The following DNASE1 variants were observed in gnomAD, a reference collection of about 807,000 sequenced individuals.
DNASE1 encodes deoxyribonuclease-1.
DNASE1 carries 40 observed loss-of-function variants against 33.9 expected under a neutral mutation model. That is an observed-to-expected ratio of 1.18 (90% CI 0.92 to 1.54). The LOEUF is 1.54. DNASE1 is among the 40% of genes most tolerant of loss of function. The probability of loss-of-function intolerance (pLI) is 0.00; values close to 1 mark genes in which losing one functional copy is unlikely to be tolerated. For missense variants in DNASE1, 518 were observed against 372.6 expected, an observed-to-expected ratio of 1.39 and a Z score of -3.21; for synonymous variants, 216 against 160.0, an observed-to-expected ratio of 1.35 and a Z score of -2.64.
At position 3,626,207 on chromosome 16, in the gene DNASE1, A is replaced by G. The variant is rs151123091; in HGVS notation, c.-1359+14201A>G. On this transcript the variant is annotated intron_variant and NMD_transcript_variant, in intron 1 of 11. Coordinates refer to the DNASE1 transcript ENST00000570769. ...TAATATCTAAAGAAATCCTAAAAAA[A>G]AAAAAATAGAAAAACAGGCAAGAGA... Among the ~76,000 whole-genome samples, 1,121 of 152,296 alleles carry G rather than the reference A, an allele frequency of 7.4e-3. 19 individuals carry two copies. Among genetic ancestry groups the G allele is most frequent in the African/African-American group, 0.025 (1,059 of 41,564 alleles).
intron 1 of DNASE1, among the ~76,000 whole-genome samples, chr16:3,631,950 A>G (rs2041714130): frequency 6.6e-6 from 1 of 152,092 alleles, no homozygotes; most frequent in Admixed American, 6.5e-5. Flanking sequence ...TTTGTGTAAC[A>G]TTGTAATTTG....
chr16:3,664,646 T>C (rs1401437976), exon 10 of DNASE1: 3 of 610,462 alleles, frequency 4.9e-6, no homozygotes, highest in African/African-American at 3.8e-5. Flanking sequence ...AGGCCCCTTT[T>C]GGGAGCTCTG....
At chr16:3,631,243 C>T (rs1419722722) in intron 1 of DNASE1, among the ~76,000 whole-genome samples, 2 of 151,940 alleles carry the variant, frequency 1.3e-5, no homozygotes, top group Non-Finnish European at 2.9e-5. Flanking sequence ...TGGTCTGTTG[C>T]CCAGACTGGA....
chr16:3,627,060 G>A (rs2151170889), intron 1 of DNASE1, among the ~76,000 whole-genome samples: 1 of 149,092 alleles, frequency 6.7e-6, no homozygotes, highest in South Asian at 2.1e-4. Flanking sequence ...TTTTTTGGTA[G>A]AGACAGGGTC....
chr16:3,641,102 G>T (rs1028185926), upstream of DNASE1: 8 of 397,124 alleles, frequency 2.0e-5, no homozygotes, highest in African/African-American at 1.4e-4. Flanking sequence ...ATCCACAGCT[G>T]CAGCTGTGGC....
chr16:3,628,394 T>C (rs1296857444), intron 1 of DNASE1, among the ~76,000 whole-genome samples: 1 of 152,140 alleles, frequency 6.6e-6, no homozygotes, highest in Non-Finnish European at 1.5e-5. Flanking sequence ...ATTTTACTTT[T>C]TTCTTTCCAA....
downstream of DNASE1, chr16:3,662,726 G>A (rs111945995): frequency 1.4e-5 from 10 of 730,624 alleles, no homozygotes; most frequent in African/African-American, 3.5e-5. Context: ...CGAGCAACAC[G>A]TGCCGAGCAG....
At chr16:3,638,432 G>C (rs575214265), upstream of DNASE1, among the ~76,000 whole-genome samples, 1 of 152,086 alleles carries the variant, frequency 6.6e-6, no homozygotes, top group Non-Finnish European at 1.5e-5. Flanking sequence ...CCGCCTCCAG[G>C]GTTCACGCCA....
intron 7 of DNASE1, 55 bp downstream of exon 7, chr16:3,657,396 G>T: frequency 6.2e-7 from 1 of 1,600,472 alleles, no homozygotes; most frequent in South Asian, 1.1e-5. Context: ...GGGCAGCCGT[G>T]ACTCATAGGT....
chr16:3,618,832 A>G lies in DNASE1; in HGVS notation c.-1359+6826A>G, dbSNP rs569872163. Among the ~76,000 whole-genome samples, 27 of 152,362 alleles carry G rather than the reference A, an allele frequency of 1.8e-4. No individual in the cohort carries two copies. In the South Asian group the frequency reaches 5.4e-3, roughly 30 times the overall value. Reference sequence around the variant, plus strand: ...TGTAGTATAGAATGGAATACATGTTACACTGAACATTTGCTTATTTCCGTT... The same window carrying G: ...TGTAGTATAGAATGGAATACATGTTGCACTGAACATTTGCTTATTTCCGTT... On this transcript the variant is annotated intron_variant and NMD_transcript_variant, in intron 1 of 11. Transcript: ENST00000570769.
In DNASE1 at chr16:3,657,284, G is replaced by A; in HGVS notation, c.647G>A (p.Trp216Ter). 1 of 1,613,986 alleles carries A rather than the reference G, an allele frequency of 6.2e-7. No homozygotes were observed. The highest frequency in any genetic ancestry group is 1.3e-5 in the African/African-American group (1 of 75,056). The change falls in exon 7 of 9, where the codon TGG becomes TAG. Residue 216 changes from tryptophan (W) to a stop codon, truncating the protein, a stop_gained. Transcript: ENST00000246949. LOFTEE classifies it high-confidence loss of function. ...IRLWTSPTFQWLIPDSADTTA... is the reference protein window; with the variant it reads ...IRLWTSPTFQ ...CTGTGGACAAGCCCCACCTTCCAGT[G>A]GCTGATCCCCGACAGCGCTGACACC...
rs917830899 is a variant in DNASE1 at position 3,654,793 on chromosome 16, C to G, written c.-253C>G. 9 of 401,710 alleles carry G rather than the reference C, an allele frequency of 2.2e-5. No homozygotes were observed. Among genetic ancestry groups the G allele is most frequent in the Non-Finnish European group, 3.5e-5 (8 of 228,358 alleles). 24.9% of individuals were successfully genotyped at this position (401,710 alleles called of 1,614,324 possible). A position where few individuals can be genotyped will look rare whatever the true frequency, so the allele number is the denominator to read the frequency against. On this transcript the variant is annotated 5_prime_UTR_variant, in exon 1 of 9. Transcript: ENST00000246949. ...ACAGAGCCATTGTTTTCTGCACTCTCAGGTGACGGCTCACATTTGCCCCAG... is the reference window on the plus strand; with the variant it reads ...ACAGAGCCATTGTTTTCTGCACTCTGAGGTGACGGCTCACATTTGCCCCAG...
downstream of DNASE1, chr16:3,658,715 C>A (rs945418165): frequency 1.5e-6 from 2 of 1,354,788 alleles, no homozygotes; most frequent in African/African-American, 2.9e-5. Context: ...TTAGAGGAAA[C>A]CGCTGTTCCA....
At chr16:3,664,467 G>T in exon 10 of DNASE1, 1 of 1,604,682 alleles carries the variant, frequency 6.2e-7, no homozygotes, top group Non-Finnish European at 8.5e-7. Flanking sequence ...CTCCTAGAAG[G>T]GACGGGGCAG....
exon 10 of DNASE1, chr16:3,663,696 T>G (rs908438259): frequency 9.0e-7 from 1 of 1,107,754 alleles, no homozygotes; most frequent in African/African-American, 1.6e-5. Context: ...TTGGGGTTCC[T>G]AGGCCTGCAT....
chr16:3,658,674 A>AAAAC (rs35893407), downstream of DNASE1: 237,917 of 982,008 alleles, frequency 0.24, 32,702 homozygotes, highest in African/African-American at 0.42. Context: ...TCCATCTCAA[A>AAAAC]AAACAAACAA....
chr16:3,613,683 A>T (rs1019071571), intron 1 of DNASE1, among the ~76,000 whole-genome samples: 2 of 152,172 alleles, frequency 1.3e-5, no homozygotes, highest in Admixed American at 6.6e-5. Context: ...TGGGACTTGA[A>T]TTTATAGAGG....
At chr16:3,636,692 C>T (rs1444999207) in intron 1 of DNASE1, among the ~76,000 whole-genome samples, 5 of 152,026 alleles carry the variant, frequency 3.3e-5, no homozygotes, top group South Asian at 2.1e-4. Context: ...TGGTGGCACA[C>T]GCCCGTAATC....
rs1367126236 is a variant in DNASE1 at position 3,655,248 on chromosome 16, C to G, written c.-1-125C>G. 4 of 1,352,110 alleles carry G rather than the reference C, an allele frequency of 3.0e-6. No homozygotes were observed. In the South Asian group the frequency reaches 5.2e-5, roughly 18 times the overall value. 83.8% of individuals were successfully genotyped at this position (1,352,110 alleles called of 1,614,324 possible). ...CTGGACGTTGTAGGAAAGGGTTTCCCCCGCCTGCGTCCCCCTGACCTTGAG... is the reference window on the plus strand; with the variant it reads ...CTGGACGTTGTAGGAAAGGGTTTCCGCCGCCTGCGTCCCCCTGACCTTGAG... On this transcript the variant is annotated intron_variant, in intron 1 of 8. Coordinates refer to ENST00000246949, the MANE Select transcript of DNASE1 (RefSeq NM_005223.4).
Sources: allele counts gnomAD v4.1 joint callset (sites outside exome capture counted in the v4.1 genomes callset), GRCh38; gene constraint gnomAD v4.1.1; transcripts MANE v1.5; gene names NCBI Gene and HGNC (gene_info 2026-07-23, HGNC 2026-07-21).